The following MT4 variants were observed in gnomAD, a reference collection of about 807,000 sequenced individuals.
The protein encoded by MT4 is metallothionein-4.
MT4 carries 11 observed loss-of-function variants against 9.5 expected under a neutral mutation model. The observed-to-expected ratio is 1.16, with a 90% CI of 0.73 to 1.92. MT4 has a LOEUF of 1.92. Ranked by LOEUF, MT4 falls within the 30% of genes most tolerant of loss-of-function variation. The pLI, the probability that MT4 is intolerant of heterozygous loss-of-function variation, is 0.00. For synonymous variants in MT4, 29 were observed against 24.6 expected (o/e 1.18, Z -0.53); for missense variants, 88 against 78.7 (o/e 1.12, Z -0.45).
chr16:56,565,871 C>G (rs1192561853), intron 1 of MT4, among the ~76,000 whole-genome samples: 1 of 152,002 alleles, frequency 6.6e-6, no homozygotes, highest in Non-Finnish European at 1.5e-5. Flanking sequence ...CAATACCAGC[C>G]TGGGCAACAT....
At chr16:56,567,225 T>C (rs1201889542) in intron 1 of MT4, among the ~76,000 whole-genome samples, 1 of 151,908 alleles carries the variant, frequency 6.6e-6, no homozygotes, top group African/African-American at 2.4e-5. Context: ...GGTTTCTCCA[T>C]GTTGGCCAAG....
chr16:56,565,340 A>T, intron 1 of MT4, among the ~76,000 whole-genome samples, 181 bp downstream of exon 1: 1 of 152,216 alleles, frequency 6.6e-6, no homozygotes. Context: ...GTTGGCTCCC[A>T]GCCTGATTTT....
At chr16:56,568,329 G>GA (rs1959580866) in intron 2 of MT4, among the ~76,000 whole-genome samples, 1 of 150,462 alleles carries the variant, frequency 6.6e-6, no homozygotes, top group Non-Finnish European at 1.5e-5. Context: ...AAGAAAGAAA[G>GA]AAAGAAAGAT....
At chr16:56,565,375 G>T (rs1050795136) in intron 1 of MT4, among the ~76,000 whole-genome samples, 4 of 152,228 alleles carry the variant, frequency 2.6e-5, no homozygotes, top group Admixed American at 2.6e-4. Context: ...CTAGCTCAGG[G>T]AATGGCTGAG....
intron 2 of MT4, among the ~76,000 whole-genome samples, chr16:56,568,272 A>AT: frequency 2.0e-5 from 1 of 51,166 alleles, no homozygotes; most frequent in Non-Finnish European, 3.9e-5. Context: ...AGAGAGAGAG[A>AT]GAAAGAAAGA....
intron 1 of MT4, among the ~76,000 whole-genome samples, chr16:56,566,700 GAGAAAGAA>G (rs779895274): frequency 0.043 from 3,180 of 73,334 alleles, 173 homozygotes; most frequent in East Asian, 0.099. Context: ...AAGAAAGAAA[GAGAAAGAA>G]AGAAAGAAAG....
At chr16:56,566,023 C>A (rs1211524215) in intron 1 of MT4, among the ~76,000 whole-genome samples, 1 of 150,946 alleles carries the variant, frequency 6.6e-6, no homozygotes, top group Non-Finnish European at 1.5e-5. Context: ...AGGAATGCAC[C>A]ACTGCACTCC....
At chr16:56,566,523 A>G (rs1247240858) in intron 1 of MT4, among the ~76,000 whole-genome samples, 1 of 103,008 alleles carries the variant, frequency 9.7e-6, no homozygotes, top group Non-Finnish European at 2.4e-5. Flanking sequence ...GGAAGAAAGA[A>G]CGGAAGGAAA....
intron 2 of MT4, among the ~76,000 whole-genome samples, 171 bp from the exon 3 acceptor site, chr16:56,568,670 C>T (rs1261285574): frequency 6.6e-6 from 1 of 152,178 alleles, no homozygotes; most frequent in African/African-American, 2.4e-5. Context: ...TCCCTGGGAT[C>T]CCTTCCAGTT....
chr16:56,568,898 A>G lies in MT4; in HGVS notation c.155A>G (p.Lys52Arg). 6.2e-7 allele frequency: 1 copy of G among 1,608,426 alleles called. No individual in the cohort carries two copies. Residue 52 changes from lysine (K) to arginine (R), a missense_variant, in exon 3 of 3, where the codon AAA becomes AGA. Coordinates refer to ENST00000219162, the MANE Select transcript of MT4 (RefSeq NM_032935.3). ...CAKCARGCICKGGSDKCSCCP is the reference protein window; with the variant it reads ...CAKCARGCICRGGSDKCSCCP Reference sequence around the variant, plus strand: ...AAATGTGCCCGGGGCTGCATCTGCAAAGGAGGCTCAGACAAGTGCAGCTGC... The same window carrying G: ...AAATGTGCCCGGGGCTGCATCTGCAGAGGAGGCTCAGACAAGTGCAGCTGC...
chr16:56,566,525 G>A lies in MT4; in HGVS notation c.32-1226G>A, dbSNP rs547625636. Among the ~76,000 whole-genome samples the A allele has an allele frequency of 2.0e-3, 279 of 139,904 alleles. 1 individual carries two copies. The highest frequency in any genetic ancestry group is 0.01 in the South Asian group (45 of 4,354). The allele number at this position is 139,904 out of a possible 152,430, so 91.8% of individuals were successfully genotyped here. On this transcript the variant is annotated intron_variant, in intron 1 of 2. Transcript: ENST00000219162. ...CTGTCAAAAGAAAGGAAGAAAGAACGGAAGGAAAGAAGGAAAGAAGGAAAG... is the reference window on the plus strand; with the variant it reads ...CTGTCAAAAGAAAGGAAGAAAGAACAGAAGGAAAGAAGGAAAGAAGGAAAG...
chr16:56,566,829 AAGAAAGAAAGAAAGAAAGAAAG>A (rs1959540867), intron 1 of MT4, among the ~76,000 whole-genome samples: 1 of 111,356 alleles, frequency 9.0e-6, no homozygotes, highest in Non-Finnish European at 1.9e-5. Context: ...AAAAGAAAGA[AAGAAAGAAAGAAAGAAAGAAAG>A]AAAGAAATGA....
intron 1 of MT4, among the ~76,000 whole-genome samples, chr16:56,565,701 T>C (rs779847272): frequency 1.3e-5 from 2 of 152,108 alleles, no homozygotes; most frequent in African/African-American, 2.4e-5. Flanking sequence ...CCACGGAGCA[T>C]GTTAGCCAGA....
At chr16:56,568,239 GAAAGAAAGAAAGAA>G (rs1476695677) in intron 2 of MT4, among the ~76,000 whole-genome samples, 1,696 of 40,950 alleles carry the variant, frequency 0.041, 81 homozygotes, top group Middle Eastern at 0.066. Context: ...AAGAAAGAAA[GAAAGAAAGAAAGAA>G]AGAAAGAGAG....
At chr16:56,566,138 C>T (rs1202946023) in intron 1 of MT4, among the ~76,000 whole-genome samples, 2 of 152,070 alleles carry the variant, frequency 1.3e-5, no homozygotes, top group Non-Finnish European at 2.9e-5. Flanking sequence ...AACAGGATGT[C>T]TCTGTACCAA....
chr16:56,566,730 GAAAGAAA>G (rs1567329821), intron 1 of MT4, among the ~76,000 whole-genome samples: 72 of 32,758 alleles, frequency 2.2e-3, no homozygotes, highest in South Asian at 4.7e-3. Flanking sequence ...AAGAAAGAAA[GAAAGAAA>G]GAAAGAAAGA....
intron 2 of MT4, among the ~76,000 whole-genome samples, chr16:56,568,251 GAA>G (rs747209610): frequency 0.012 from 469 of 39,780 alleles, 16 homozygotes; most frequent in African/African-American, 0.025. Context: ...AAGAAAGAAA[GAA>G]AGAAAGAGAG....
Position 56,567,778 on chromosome 16 carries a change from G to A in MT4, c.59G>A (p.Cys20Tyr). The A allele has an allele frequency of 1.2e-6, 2 of 1,613,428 alleles. 1 individual carries two copies. The highest frequency in any genetic ancestry group is 2.2e-5 in the South Asian group (2 of 91,072). The change falls in exon 2 of 3, where the codon TGC (cysteine) becomes TAC (tyrosine). Residue 20 changes from cysteine (C) to tyrosine (Y), a missense_variant. By Grantham distance (194) the Cys-to-Tyr change is radical. Coordinates refer to ENST00000219162, the MANE Select transcript of MT4 (RefSeq NM_032935.3). ...SGGICMCGDN[C>Y]KCTTCNCKTY... The stretch of plus-strand genomic sequence containing the variant: ...GGAATCTGCATGTGTGGAGACAACT[G>A]CAAATGCACAACCTGCAACTGTAAA...
At position 56,567,771 on chromosome 16, in the gene MT4, G is replaced by C; in HGVS notation, c.52G>C (p.Asp18His). 1.2e-6 allele frequency: 2 copies of C among 1,613,532 alleles called. No individual in the cohort carries two copies. Among genetic ancestry groups the C allele is most frequent in the South Asian group, 2.2e-5 (2 of 91,074 alleles). Residue 18 changes from aspartate to histidine, a missense_variant, in exon 2 of 3, where the codon GAC (aspartate) becomes CAC (histidine). Transcript: ENST00000219162. ...TCTAGGAGGAATCTGCATGTGTGGA[G>C]ACAACTGCAAATGCACAACCTGCAA... ...CMSGGICMCG[D>H]NCKCTTCNCK...
Sources: allele counts gnomAD v4.1 joint callset (sites outside exome capture counted in the v4.1 genomes callset), GRCh38; gene constraint gnomAD v4.1.1; transcripts MANE v1.5; gene names NCBI Gene and HGNC (gene_info 2026-07-23, HGNC 2026-07-21).